The following PLA2G4A variants were observed in gnomAD, a reference collection of about 807,000 sequenced individuals.
The protein encoded by PLA2G4A is phospholipase A2 group IVA, also known as cytosolic phospholipase A2.
In PLA2G4A, 40 loss-of-function variants were observed where a neutral mutation model predicts 81.9. The ratio of observed to expected loss-of-function variants is 0.49; its 90% CI spans 0.38 to 0.64. The LOEUF (loss-of-function observed/expected upper bound fraction) is 0.64. Among genes scored for constraint, PLA2G4A ranks in the 30% least tolerant of loss-of-function variants. The pLI is 0.00. For synonymous variants in PLA2G4A, 302 were observed against 296.9 expected, an observed-to-expected ratio of 1.02 and a Z score of -0.18; for missense variants, 715 against 905.1, an observed-to-expected ratio of 0.79 and a Z score of 2.69.
chr1:186,830,308 T>TA (rs1247243326), intron 1 of PLA2G4A, among the ~76,000 whole-genome samples: 1 of 152,110 alleles, frequency 6.6e-6, no homozygotes, highest in Non-Finnish European at 1.5e-5. Context: ...AACATATTTT[T>TA]AAAAAGTAAG....
intron 14 of PLA2G4A, among the ~76,000 whole-genome samples, chr1:186,964,275 C>A (rs1189396137): frequency 6.6e-6 from 1 of 152,188 alleles, no homozygotes; most frequent in African/African-American, 2.4e-5. Context: ...CAATTCAAAC[C>A]AGTTCAATTC....
intron 1 of PLA2G4A, among the ~76,000 whole-genome samples, chr1:186,839,072 C>G (rs992741435): frequency 6.7e-6 from 1 of 148,474 alleles, no homozygotes. Flanking sequence ...GTTAAAAAAA[C>G]ATTTTAAAAT....
At position 186,907,011 on chromosome 1, in the gene PLA2G4A, A is replaced by G. The variant is rs377128551; in HGVS notation, c.416+9A>G. On this transcript the variant is annotated intron_variant, in intron 6 of 17. Coordinates refer to ENST00000367466, the MANE Select transcript of PLA2G4A (RefSeq NM_024420.3). ...ATGTCTCTTGAAGTTTGGTAAGTGC[A>G]TTTATTTAGTTGGATGAGAAATATT... 16 of 1,430,852 alleles carry G rather than the reference A, an allele frequency of 1.1e-5. No homozygotes were observed. The African/African-American group carries it at 2.1e-4, about 19-fold the overall frequency. The allele number at this position is 1,430,852 out of a possible 1,614,324, so 88.6% of individuals were successfully genotyped here.
At chr1:186,868,071 CTTTTTTTTTTTTTT>C (rs59978011) in intron 2 of PLA2G4A, among the ~76,000 whole-genome samples, 31 of 112,908 alleles carry the variant, frequency 2.7e-4, no homozygotes, top group African/African-American at 1.1e-3. Flanking sequence ...GTGTATAATT[CTTTTTTTTTTTTTT>C]TTTTTTTTTG....
chr1:186,854,824 T>G (rs1331951267), intron 2 of PLA2G4A, among the ~76,000 whole-genome samples: 1 of 151,930 alleles, frequency 6.6e-6, no homozygotes, highest in Non-Finnish European at 1.5e-5. Flanking sequence ...TTTAAATAAA[T>G]TCTTCTATGG....
intron 3 of PLA2G4A, among the ~76,000 whole-genome samples, chr1:186,884,813 G>A (rs924412321): frequency 6.6e-6 from 1 of 151,646 alleles, no homozygotes; most frequent in African/African-American, 2.4e-5. Context: ...GAAACCAGGA[G>A]GTTGAGGCTA....
At chr1:186,944,014 G>C (rs1052293408) in intron 10 of PLA2G4A, among the ~76,000 whole-genome samples, 1 of 152,036 alleles carries the variant, frequency 6.6e-6, no homozygotes, top group Non-Finnish European at 1.5e-5. Flanking sequence ...CTGGAACTAG[G>C]GACATACTGA....
At chr1:186,841,339 T>G (rs1651971956) in intron 1 of PLA2G4A, among the ~76,000 whole-genome samples, 1 of 152,222 alleles carries the variant, frequency 6.6e-6, no homozygotes, top group Non-Finnish European at 1.5e-5. Context: ...TTCCAAACAG[T>G]AACTTGGTAA....
Position 186,909,514 on chromosome 1 carries a change from G to A in PLA2G4A, c.417-1734G>A, listed in dbSNP as rs111525412. 5.4e-3 allele frequency among the ~76,000 whole-genome samples: 815 copies of A among 151,384 alleles called. 6 individuals carry two copies. The highest frequency in any genetic ancestry group is 0.019 in the African/African-American group (783 of 41,372). ...TGTCTCTACTAAAAATACAAAATTA[G>A]CCAGGTGTATTGGTGCGTGCCTGTA... On this transcript the variant is annotated intron_variant, in intron 6 of 17. Transcript: ENST00000367466.
At chr1:186,917,005 G>A (rs1655161498) in intron 7 of PLA2G4A, among the ~76,000 whole-genome samples, 1 of 152,158 alleles carries the variant, frequency 6.6e-6, no homozygotes, top group African/African-American at 2.4e-5. Flanking sequence ...TCACTTTGCA[G>A]GGGTTGTCCG....
At chr1:186,885,098 G>A (rs1374064257) in intron 3 of PLA2G4A, among the ~76,000 whole-genome samples, 4 of 152,080 alleles carry the variant, frequency 2.6e-5, no homozygotes, top group African/African-American at 4.8e-5. Flanking sequence ...GACAAAATAA[G>A]TTGATTTTGA....
intron 16 of PLA2G4A, among the ~76,000 whole-genome samples, chr1:186,978,213 C>A (rs951703943): frequency 6.6e-6 from 1 of 152,074 alleles, no homozygotes; most frequent in Non-Finnish European, 1.5e-5. Context: ...TTCAGTTTGC[C>A]ATGTTGTATT....
intron 1 of PLA2G4A, among the ~76,000 whole-genome samples, chr1:186,848,532 C>G (rs1013487211): frequency 6.6e-6 from 1 of 152,068 alleles, no homozygotes; most frequent in Non-Finnish European, 1.5e-5. Flanking sequence ...TTCTCTTTTC[C>G]TTTTTCTTTT....
Position 186,911,239 on chromosome 1 carries a change from G to T in PLA2G4A, c.417-9G>T. ...ACTGGCTCATGACTTTATCTGTTTG[G>T]TATTACAGCTCATGCCCAGACCTAC... On this transcript the variant is annotated splice_polypyrimidine_tract_variant and intron_variant, in intron 6 of 17. Transcript: ENST00000367466. The T allele has an allele frequency of 6.2e-7, 1 of 1,612,622 alleles. No individual in the cohort carries two copies. The highest frequency in any genetic ancestry group is 1.1e-5 in the South Asian group (1 of 91,050).
intron 1 of PLA2G4A, among the ~76,000 whole-genome samples, chr1:186,851,756 TATA>T (rs944185885): frequency 6.6e-6 from 1 of 152,032 alleles, no homozygotes; most frequent in East Asian, 1.9e-4. Context: ...TGTATTGTTT[TATA>T]ATGTTATCCA....
chr1:186,858,552 T>C (rs1277639731), intron 2 of PLA2G4A, among the ~76,000 whole-genome samples: 5 of 152,120 alleles, frequency 3.3e-5, no homozygotes, highest in Admixed American at 3.3e-4. Context: ...ATTCTGTAGG[T>C]TGCCTGTTCA....
chr1:186,979,393 C>T lies in PLA2G4A; in HGVS notation c.2039C>T (p.Thr680Ile). ...IFDDPESPFS[T>I]FNFQYPNQAF... is the part of the protein sequence containing the mutation. ...GATGACCCAGAATCACCATTTTCAA[C>T]CTTCAATTTTCAATATCCAAATCAA... Residue 680 changes from threonine (T) to isoleucine (I), a missense_variant, in exon 17 of 18, where the codon ACC becomes ATC. Transcript: ENST00000367466. 1 of 1,603,870 alleles carries T rather than the reference C, an allele frequency of 6.2e-7. No homozygotes were observed. The highest frequency in any genetic ancestry group is 8.5e-7 in the Non-Finnish European group (1 of 1,170,648).
In PLA2G4A at chr1:186,943,159, C is replaced by A. The variant is rs369903225; in HGVS notation, c.1033+3065C>A. On this transcript the variant is annotated intron_variant, in intron 10 of 17. Transcript: ENST00000367466. ...AATTAGCTTACAGAAGCTTTATTAA[C>A]AATTTTACTTCAACAATACCGGATA... Among the ~76,000 whole-genome samples the A allele has an allele frequency of 7.2e-5, 11 of 152,222 alleles. No individual in the cohort carries two copies. The South Asian group carries it at 2.3e-3, about 32-fold the overall frequency.
At position 186,977,660 on chromosome 1, in the gene PLA2G4A, T is replaced by C. The variant is rs1313575263; in HGVS notation, c.1832T>C (p.Val611Ala). The C allele has an allele frequency of 6.2e-7, 1 of 1,613,604 alleles. No homozygotes were observed. Among genetic ancestry groups the C allele is most frequent in the East Asian group, 2.2e-5 (1 of 44,860 alleles). The change falls in exon 16 of 18, where the codon GTG (valine) becomes GCG (alanine). Residue 611 changes from valine to alanine, a missense_variant. Val to Ala is a moderately conservative substitution (Grantham distance 64). Transcript: ENST00000367466. ...KLPFPKIDPY[V>A]FDREGLKECY... ...CCCTTTCCAAAGATTGATCCTTATG[T>C]GTTTGATCGGGAAGGGCTGAAGGAG...
Sources: gnomAD v4.1 joint callset for allele counts (sites outside exome capture counted in the v4.1 genomes callset) on GRCh38, gnomAD v4.1.1 for gene constraint, MANE v1.5 for transcripts, NCBI Gene and HGNC (gene_info 2026-07-23, HGNC 2026-07-21) for gene names.